The following NUAK1 variants were observed in gnomAD, a reference collection of about 807,000 sequenced individuals.
NUAK1 encodes the protein NUAK family SNF1-like kinase 1.
NUAK1 carries 26 observed loss-of-function variants against 56.9 expected under a neutral mutation model. The observed-to-expected ratio is 0.46, with a 90% CI of 0.33 to 0.63. The LOEUF is 0.63. Ranked by LOEUF, NUAK1 falls within the 30% of genes least tolerant of loss-of-function variation. The pLI is 0.02. For synonymous variants in NUAK1, 337 were observed against 336.0 expected, an observed-to-expected ratio of 1.00 and a Z score of -0.03; for missense variants, 727 against 876.1, an observed-to-expected ratio of 0.83 and a Z score of 2.15.
chr12:106,116,977 G>A (rs1029393073), intron 1 of NUAK1, among the ~76,000 whole-genome samples: 2 of 152,078 alleles, frequency 1.3e-5, no homozygotes, highest in Non-Finnish European at 2.9e-5. Flanking sequence ...TCTGGATAAG[G>A]CATTGATCCA....
chr12:106,093,476 A>G (rs552032739), intron 2 of NUAK1, among the ~76,000 whole-genome samples: 4 of 152,290 alleles, frequency 2.6e-5, no homozygotes, highest in African/African-American at 9.6e-5. Flanking sequence ...GGTTTTCACA[A>G]CCAGGCTAAT....
intron 1 of NUAK1, among the ~76,000 whole-genome samples, chr12:106,119,473 G>A (rs55950709): frequency 0.038 from 5,841 of 152,146 alleles, 163 homozygotes; most frequent in Middle Eastern, 0.061. Flanking sequence ...CATGCACGGC[G>A]CCCCTGCAGA....
chr12:106,127,022 T>C (rs1003566779), intron 1 of NUAK1, among the ~76,000 whole-genome samples: 2 of 152,226 alleles, frequency 1.3e-5, no homozygotes, highest in Non-Finnish European at 2.9e-5. Flanking sequence ...ATAACACTGC[T>C]TGACAAGTGG....
chr12:106,108,569 T>C (rs141454295), intron 1 of NUAK1, among the ~76,000 whole-genome samples: 75 of 152,328 alleles, frequency 4.9e-4, no homozygotes, highest in African/African-American at 1.8e-3. Context: ...GCTGTAATCC[T>C]GGGACCTTGT....
intron 2 of NUAK1, chr12:106,104,228 G>C (rs1049855119): frequency 2.6e-5 from 4 of 152,230 alleles, no homozygotes; most frequent in African/African-American, 9.6e-5. Context: ...ACCACAACCA[G>C]GTAATTTTTG....
At chr12:106,120,448 A>G (rs1417591913) in intron 1 of NUAK1, among the ~76,000 whole-genome samples, 1 of 152,154 alleles carries the variant, frequency 6.6e-6, no homozygotes, top group African/African-American at 2.4e-5. Flanking sequence ...GACGTTATGC[A>G]GAGGCGTGTG....
At chr12:106,107,261 G>C (rs1404423730) in intron 1 of NUAK1, among the ~76,000 whole-genome samples, 1 of 152,008 alleles carries the variant, frequency 6.6e-6, no homozygotes, top group Non-Finnish European at 1.5e-5. Flanking sequence ...CCAACACATG[G>C]AGCAATTACT....
intron 1 of NUAK1, among the ~76,000 whole-genome samples, chr12:106,112,356 A>G (rs2032869187): frequency 6.6e-6 from 1 of 152,098 alleles, no homozygotes; most frequent in African/African-American, 2.4e-5. Flanking sequence ...CAGGCAGCCA[A>G]GCCCGGCTGG....
chr12:106,129,918 A>G (rs968781010), intron 1 of NUAK1, among the ~76,000 whole-genome samples: 1 of 152,144 alleles, frequency 6.6e-6, no homozygotes. Flanking sequence ...AGCAGGACAG[A>G]ATTTGAACCC....
intron 2 of NUAK1, among the ~76,000 whole-genome samples, chr12:106,091,950 CT>C (rs2136465189): frequency 6.6e-6 from 1 of 152,238 alleles, no homozygotes; most frequent in African/African-American, 2.4e-5. Flanking sequence ...AATCTCAGCA[CT>C]TTGGAAGGCC....
intron 2 of NUAK1, among the ~76,000 whole-genome samples, chr12:106,087,860 A>G (rs1416755856): frequency 6.6e-6 from 1 of 152,208 alleles, no homozygotes; most frequent in Non-Finnish European, 1.5e-5. Context: ...AGCTGGCTGG[A>G]ATCAGCAGGG....
Position 106,138,813 on chromosome 12 carries a change from G to A in NUAK1, c.-160C>T. The A allele has an allele frequency of 2.9e-6, 3 of 1,049,040 alleles. No individual in the cohort carries two copies. Among genetic ancestry groups the A allele is most frequent in the Non-Finnish European group, 2.5e-6 (2 of 788,834 alleles). 65.0% of individuals were successfully genotyped at this position (1,049,040 alleles called of 1,614,324 possible). A position where few individuals can be genotyped will look rare whatever the true frequency, so the allele number is the denominator to read the frequency against. On this transcript the variant is annotated 5_prime_UTR_variant, in exon 1 of 7. Coordinates refer to ENST00000261402, the MANE Select transcript of NUAK1 (RefSeq NM_014840.3). This position sits in a 1 kb window ranked among gnomAD's most constrained non-coding sequence, Gnocchi z 5.0. ...TCGGACTGCGGCTCGGTCACTGGCGGCGGCGGGGACTGCACATCTGGCGCC... is the reference window on the plus strand; with the variant it reads ...TCGGACTGCGGCTCGGTCACTGGCGACGGCGGGGACTGCACATCTGGCGCC...
rs2033145396 is a variant in NUAK1 at position 106,138,001 on chromosome 12, G to C, written c.240+413C>G. 1.3e-5 allele frequency among the ~76,000 whole-genome samples: 2 copies of C among 152,192 alleles called. No individual in the cohort carries two copies. Among genetic ancestry groups the C allele is most frequent in the Admixed American group, 1.3e-4 (2 of 15,286 alleles). On this transcript the variant is annotated intron_variant, in intron 1 of 6. Coordinates refer to ENST00000261402, the MANE Select transcript of NUAK1 (RefSeq NM_014840.3). The surrounding 1 kb of genome is among the most constrained non-coding windows in gnomAD (Gnocchi z 5.0). ...GGGACACCTACAAAACACCGGACTT[G>C]AGGGGCTAGCTCCTAGCTGGGAATG...
chr12:106,083,797 A>G (rs1198021529), intron 4 of NUAK1, 67 bp downstream of exon 4: 2 of 1,376,950 alleles, frequency 1.5e-6, no homozygotes, highest in East Asian at 2.3e-5. Flanking sequence ...GGCTTGGAGC[A>G]GGTTAAGCCT....
intron 1 of NUAK1, among the ~76,000 whole-genome samples, chr12:106,111,743 C>G (rs143970563): frequency 6.6e-6 from 1 of 152,138 alleles, no homozygotes; most frequent in African/African-American, 2.4e-5. Flanking sequence ...ATTTTTAAAT[C>G]AGTGGCAATA....
intron 1 of NUAK1, among the ~76,000 whole-genome samples, chr12:106,110,761 C>T (rs2032850744): frequency 6.6e-6 from 1 of 152,192 alleles, no homozygotes; most frequent in Admixed American, 6.5e-5. Context: ...TTAAATAAGG[C>T]CACCTTATGG....
chr12:106,087,749 A>G (rs752830048), intron 2 of NUAK1, among the ~76,000 whole-genome samples: 5 of 152,378 alleles, frequency 3.3e-5, no homozygotes, highest in Admixed American at 1.3e-4. Flanking sequence ...AGATGAAGGC[A>G]CTGAGGCCTA....
intron 1 of NUAK1, among the ~76,000 whole-genome samples, chr12:106,114,888 T>C (rs778951162): frequency 6.6e-6 from 1 of 152,224 alleles, no homozygotes; most frequent in African/African-American, 2.4e-5. Context: ...TTCAGGGTGC[T>C]GACAAATCAT....
At chr12:106,095,336 C>G (rs2032686498) in intron 2 of NUAK1, among the ~76,000 whole-genome samples, 1 of 152,162 alleles carries the variant, frequency 6.6e-6, no homozygotes, top group South Asian at 2.1e-4. Flanking sequence ...GGTAGAAATA[C>G]CTCTGTGAAG....
Sources: gnomAD v4.1 joint callset for allele counts (sites outside exome capture counted in the v4.1 genomes callset) on GRCh38, gnomAD v4.1.1 for gene constraint, Gnocchi (gnomAD v3.1) non-coding constraint, MANE v1.5 for transcripts, NCBI Gene and HGNC (gene_info 2026-07-23, HGNC 2026-07-21) for gene names.